JAM3: variants seen among roughly 807,000 people sequenced by gnomAD.
JAM3 encodes junctional adhesion molecule C.
JAM3 carries 31 observed loss-of-function variants against 39.4 expected under a neutral mutation model. That is an observed-to-expected ratio of 0.79 (90% CI 0.59 to 1.06). The LOEUF is 1.06. Ranked by LOEUF, JAM3 falls within the 50% of genes least tolerant of loss-of-function variation. The probability of loss-of-function intolerance (pLI) is 0.00; values close to 1 mark genes in which losing one functional copy is unlikely to be tolerated. For synonymous variants in JAM3, 182 were observed against 148.7 expected, an observed-to-expected ratio of 1.22 and a Z score of -1.63; for missense variants, 455 against 391.4, an observed-to-expected ratio of 1.16 and a Z score of -1.37.
intron 1 of JAM3, among the ~76,000 whole-genome samples, chr11:134,130,341 C>G (rs1942745289): frequency 6.6e-6 from 1 of 152,156 alleles, no homozygotes; most frequent in Non-Finnish European, 1.5e-5. Context: ...TTGAAACTAT[C>G]TGTGTCTTTT....
At chr11:134,148,434 G>T in intron 6 of JAM3, 113 bp from the exon 7 acceptor site, 1 of 1,366,196 alleles carries the variant, frequency 7.3e-7, no homozygotes, top group Non-Finnish European at 1.0e-6. Context: ...TAGGCCTGAG[G>T]GGGCAGGGGG....
intron 1 of JAM3, among the ~76,000 whole-genome samples, chr11:134,106,585 T>C (rs1203999693): frequency 2.0e-5 from 3 of 152,194 alleles, no homozygotes; most frequent in South Asian, 2.1e-4. Flanking sequence ...ATTTTTGCAA[T>C]CAACTCATCT....
At chr11:134,127,004 G>A (rs1006552608) in intron 1 of JAM3, among the ~76,000 whole-genome samples, 7 of 152,202 alleles carry the variant, frequency 4.6e-5, no homozygotes, top group Non-Finnish European at 7.3e-5. Flanking sequence ...TTATAGAGAA[G>A]GAATTATCAA....
intron 1 of JAM3, among the ~76,000 whole-genome samples, chr11:134,136,907 A>T (rs552631302): frequency 2.6e-5 from 4 of 152,268 alleles, no homozygotes; most frequent in South Asian, 4.1e-4. Flanking sequence ...AGGTCAGGAG[A>T]TCGAGACCAT....
intron 1 of JAM3, among the ~76,000 whole-genome samples, chr11:134,125,489 C>T (rs944258568): frequency 1.1e-4 from 16 of 151,896 alleles, no homozygotes; most frequent in Middle Eastern, 3.4e-3. Context: ...TATTGTATTT[C>T]TTCTTATAAG....
chr11:134,123,292 A>G (rs1365695404), intron 1 of JAM3, among the ~76,000 whole-genome samples: 1 of 152,156 alleles, frequency 6.6e-6, no homozygotes, highest in Non-Finnish European at 1.5e-5. Flanking sequence ...TACGGCAACA[A>G]GGGCTTCTAT....
At position 134,086,666 on chromosome 11, in the gene JAM3, A is replaced by G. The variant is rs1395205049; in HGVS notation, c.76+17507A>G. Among the ~76,000 whole-genome samples the G allele has an allele frequency of 2.6e-5, 4 of 152,208 alleles. No homozygotes were observed. In the South Asian group the frequency reaches 8.3e-4, roughly 31 times the overall value. On this transcript the variant is annotated intron_variant, in intron 1 of 8. Transcript: ENST00000299106. The stretch of plus-strand genomic sequence containing the variant: ...AGTTTACATACAAAATAAACAGCTT[A>G]TTAAATAAATAGCTATTAAGAATGA...
intron 1 of JAM3, among the ~76,000 whole-genome samples, chr11:134,099,848 G>A (rs575726304): frequency 5.3e-5 from 8 of 152,086 alleles, no homozygotes; most frequent in African/African-American, 1.2e-4. Context: ...CTCGTCATCC[G>A]CCTGCCTTGG....
Position 134,149,542 on chromosome 11 carries a change from G to A in JAM3, c.*361G>A. The A allele has an allele frequency of 2.0e-6, 1 of 497,282 alleles. No individual in the cohort carries two copies. The highest frequency in any genetic ancestry group is 1.6e-5 in the South Asian group (1 of 64,492). 30.8% of individuals were successfully genotyped at this position (497,282 alleles called of 1,614,324 possible). On this transcript the variant is annotated 3_prime_UTR_variant, in exon 9 of 9. Transcript: ENST00000299106. ...CTGTGAAGCCAGCATGTTCACCACT[G>A]GTCGTTCAGCAGCCACGACAGCACC...
chr11:134,114,222 G>T (rs1942377397), intron 1 of JAM3, among the ~76,000 whole-genome samples: 1 of 152,162 alleles, frequency 6.6e-6, no homozygotes, highest in Admixed American at 6.5e-5. Context: ...GTCAATTTTG[G>T]CTTTTGTTGC....
At chr11:134,120,478 A>T (rs1212012904) in intron 1 of JAM3, among the ~76,000 whole-genome samples, 2 of 152,252 alleles carry the variant, frequency 1.3e-5, no homozygotes, top group Non-Finnish European at 2.9e-5. Flanking sequence ...TGTAATGAGT[A>T]TAAACCCAAA....
chr11:134,109,485 T>G (rs1438838671), intron 1 of JAM3, among the ~76,000 whole-genome samples: 1 of 152,240 alleles, frequency 6.6e-6, no homozygotes, highest in African/African-American at 2.4e-5. Flanking sequence ...AAAATTTTAT[T>G]GGAACACAGC....
chr11:134,092,515 G>A (rs61909679), intron 1 of JAM3, among the ~76,000 whole-genome samples: 2 of 139,570 alleles, frequency 1.4e-5, no homozygotes, highest in Non-Finnish European at 3.1e-5. Flanking sequence ...CTTCTCCTGA[G>A]CCCTCTTTAT....
At chr11:134,131,788 C>A (rs894699226) in intron 1 of JAM3, among the ~76,000 whole-genome samples, 1 of 152,020 alleles carries the variant, frequency 6.6e-6, no homozygotes, top group South Asian at 2.1e-4. Context: ...ACTGAAAATA[C>A]AATAACTGAA....
intron 1 of JAM3, among the ~76,000 whole-genome samples, chr11:134,123,236 TA>T (rs1942570449): frequency 6.6e-6 from 1 of 152,170 alleles, no homozygotes; most frequent in African/African-American, 2.4e-5. Context: ...TTTATTTATT[TA>T]AAAGTGCCCA....
chr11:134,147,301 A>G (rs562260921), intron 6 of JAM3, among the ~76,000 whole-genome samples: 1 of 151,620 alleles, frequency 6.6e-6, no homozygotes, highest in African/African-American at 2.4e-5. Flanking sequence ...TAAAAATACA[A>G]AAATTAGCCT....
chr11:134,120,084 G>T (rs1262497327), intron 1 of JAM3, among the ~76,000 whole-genome samples: 2 of 149,830 alleles, frequency 1.3e-5, no homozygotes, highest in African/African-American at 4.9e-5. Context: ...TAAAAAATTG[G>T]TGAAGGAACT....
At chr11:134,106,394 C>T (rs1307016668) in intron 1 of JAM3, among the ~76,000 whole-genome samples, 1 of 151,998 alleles carries the variant, frequency 6.6e-6, no homozygotes, top group African/African-American at 2.4e-5. Context: ...CATAAAAACC[C>T]TAGAAGAAAA....
chr11:134,123,122 A>G (rs1488353568), intron 1 of JAM3, among the ~76,000 whole-genome samples: 1 of 152,242 alleles, frequency 6.6e-6, no homozygotes, highest in Non-Finnish European at 1.5e-5. Context: ...TTTTGAGGAA[A>G]AGAAGCTAAC....
Sources: allele counts gnomAD v4.1 joint callset (sites outside exome capture counted in the v4.1 genomes callset), GRCh38; gene constraint gnomAD v4.1.1; transcripts MANE v1.5; gene names NCBI Gene and HGNC (gene_info 2026-07-23, HGNC 2026-07-21).